The following RARB variants were observed in gnomAD, a reference collection of about 807,000 sequenced individuals.
RARB encodes the protein retinoic acid receptor beta, also known as HBV-activated protein.
In RARB, 17 loss-of-function variants were observed where a neutral mutation model predicts 51.9. The observed-to-expected ratio is 0.33, with a 90% confidence interval of 0.22 to 0.49. The LOEUF is 0.49. Among genes scored for constraint, RARB ranks in the 20% least tolerant of loss-of-function variants. RARB has a pLI of 0.99. For missense variants in RARB, 369 were observed against 550.8 expected (o/e 0.67, Z 3.30); for synonymous variants, 215 against 195.4 (o/e 1.10, Z -0.84).
intron 2 of RARB, among the ~76,000 whole-genome samples, chr3:24,896,053 A>G (rs1703472682): frequency 1.3e-5 from 2 of 152,228 alleles, no homozygotes; most frequent in African/African-American, 4.8e-5. Context: ...ATTCCGTTAC[A>G]TGATGCAACG....
At chr3:25,163,322 A>G (rs960045701) in intron 4 of RARB, among the ~76,000 whole-genome samples, 1 of 151,862 alleles carries the variant, frequency 6.6e-6, no homozygotes, top group African/African-American at 2.4e-5. Context: ...TGGGCAACAT[A>G]GGGAAACCCT....
chr3:24,936,471 G>C (rs974870894), intron 2 of RARB, among the ~76,000 whole-genome samples: 6 of 152,166 alleles, frequency 3.9e-5, no homozygotes, highest in Non-Finnish European at 8.8e-5. Flanking sequence ...GGTTAACCAA[G>C]AGTCTTAACC....
intron 2 of RARB, among the ~76,000 whole-genome samples, chr3:24,871,359 C>T (rs1298111191): frequency 6.6e-6 from 1 of 152,104 alleles, no homozygotes; most frequent in African/African-American, 2.4e-5. Flanking sequence ...CACTCTTCAT[C>T]CTATTTTAGC....
rs553319469 is a variant in RARB, at chr3:25,305,815, G to A, written c.178+131240G>A. The stretch of plus-strand genomic sequence containing the variant: ...AAAAAATAAGGAAAAGGGACTTTGG[G>A]TGTTATATTAGTGGTATAACTCAAG... On this transcript the variant is annotated intron_variant, in intron 5 of 11. Transcript: ENST00000383772. Among the ~76,000 whole-genome samples, 17 of 152,302 alleles carry A rather than the reference G, an allele frequency of 1.1e-4. No individual in the cohort carries two copies. In the South Asian group the frequency reaches 2.9e-3, roughly 26 times the overall value.
intron 2 of RARB, among the ~76,000 whole-genome samples, chr3:25,470,750 G>C (rs1309013202): frequency 6.6e-6 from 1 of 152,134 alleles, no homozygotes; most frequent in African/African-American, 2.4e-5. Context: ...CCCCAGGTTA[G>C]GTCCCCCTCT....
chr3:25,321,686 CA>C (rs1207382066), intron 5 of RARB, among the ~76,000 whole-genome samples: 1 of 151,754 alleles, frequency 6.6e-6, no homozygotes, highest in African/African-American at 2.4e-5. Context: ...CACTGTATCC[CA>C]GCCTGGGTGG....
chr3:25,009,203 T>C (rs913544896), intron 2 of RARB, among the ~76,000 whole-genome samples: 1 of 152,062 alleles, frequency 6.6e-6, no homozygotes, highest in Non-Finnish European at 1.5e-5. Context: ...ATCTCCCAAA[T>C]TCTATGACTC....
intron 2 of RARB, among the ~76,000 whole-genome samples, chr3:24,913,198 A>T (rs890708772): frequency 1.3e-5 from 2 of 151,438 alleles, no homozygotes; most frequent in South Asian, 2.1e-4. Flanking sequence ...GTTAGCCACG[A>T]TGGTCTCGAT....
chr3:25,105,786 A>G (rs562783680), intron 3 of RARB, among the ~76,000 whole-genome samples: 1 of 152,344 alleles, frequency 6.6e-6, no homozygotes, highest in South Asian at 2.1e-4. Flanking sequence ...AAGCATTGCT[A>G]TTATAAAGAA....
intron 2 of RARB, among the ~76,000 whole-genome samples, chr3:25,466,946 T>C (rs1695458498): frequency 6.6e-6 from 1 of 152,216 alleles, no homozygotes; most frequent in African/African-American, 2.4e-5. Context: ...GCCCCAAAGC[T>C]CTCATGCCAA....
intron 5 of RARB, among the ~76,000 whole-genome samples, chr3:25,334,231 A>C (rs1460944962): frequency 6.6e-6 from 1 of 152,218 alleles, no homozygotes; most frequent in African/African-American, 2.4e-5. Context: ...ATGCACACGT[A>C]TGTTTATTGC....
chr3:25,580,298 C>T (rs1444129617), intron 4 of RARB, among the ~76,000 whole-genome samples: 5 of 152,158 alleles, frequency 3.3e-5, no homozygotes, highest in East Asian at 1.9e-4. Flanking sequence ...CGTTTGAACC[C>T]GGGAGGTGGA....
At chr3:24,906,504 C>T (rs1486412337) in intron 2 of RARB, among the ~76,000 whole-genome samples, 1 of 152,092 alleles carries the variant, frequency 6.6e-6, no homozygotes, top group African/African-American at 2.4e-5. Flanking sequence ...TTAGATTTAT[C>T]ATTTTGGGAA....
intron 5 of RARB, among the ~76,000 whole-genome samples, chr3:25,174,732 T>C (rs896737262): frequency 2.6e-5 from 4 of 152,232 alleles, no homozygotes; most frequent in African/African-American, 9.6e-5. Context: ...GAAAGAGATA[T>C]GATTTGAAAC....
intron 2 of RARB, among the ~76,000 whole-genome samples, chr3:24,945,773 A>G (rs950702701): frequency 2.0e-5 from 3 of 152,184 alleles, no homozygotes; most frequent in Admixed American, 1.3e-4. Flanking sequence ...TTGACACCTT[A>G]TGCAACTCCC....
intron 2 of RARB, among the ~76,000 whole-genome samples, chr3:24,927,260 T>C (rs1246463939): frequency 1.3e-5 from 2 of 152,158 alleles, no homozygotes; most frequent in East Asian, 1.9e-4. Context: ...AGCTTAACTA[T>C]GATTAAATGT....
intron 3 of RARB, among the ~76,000 whole-genome samples, chr3:25,123,893 A>G (rs1242373487): frequency 1.3e-5 from 2 of 152,144 alleles, no homozygotes; most frequent in East Asian, 1.9e-4. Flanking sequence ...AACTTTCTAA[A>G]AAGTCAATAG....
chr3:25,500,535 G>A (rs1187097122), intron 2 of RARB, among the ~76,000 whole-genome samples: 10 of 139,980 alleles, frequency 7.1e-5, no homozygotes, highest in Non-Finnish European at 3.0e-5. Context: ...ACTGGAGTGC[G>A]GTGGCACAAT....
At chr3:25,259,604 A>G (rs946774168) in intron 5 of RARB, among the ~76,000 whole-genome samples, 5 of 152,196 alleles carry the variant, frequency 3.3e-5, no homozygotes, top group Non-Finnish European at 7.4e-5. Context: ...CATGAGCAAA[A>G]AGTAAACTTC....
Sources: allele counts gnomAD v4.1 joint callset (sites outside exome capture counted in the v4.1 genomes callset), GRCh38; gene constraint gnomAD v4.1.1; transcripts MANE v1.5; gene names NCBI Gene and HGNC (gene_info 2026-07-23, HGNC 2026-07-21).